L3MBTL4: variants seen among roughly 807,000 people sequenced by gnomAD.
L3MBTL4 encodes L3MBTL histone methyl-lysine binding protein 4.
In L3MBTL4, 70 loss-of-function variants were observed where a neutral mutation model predicts 84.5. That is an observed-to-expected ratio of 0.83 (90% CI 0.68 to 1.01). The LOEUF is 1.01. Ranked by LOEUF, L3MBTL4 falls within the 50% of genes least tolerant of loss-of-function variation. L3MBTL4 has a pLI of 0.00. For synonymous variants in L3MBTL4, 274 were observed against 259.8 expected (o/e 1.05, Z -0.52); for missense variants, 715 against 754.8 (o/e 0.95, Z 0.62).
chr18:6,130,257 C>A (rs1465256076), intron 14 of L3MBTL4, among the ~76,000 whole-genome samples: 1 of 150,194 alleles, frequency 6.7e-6, no homozygotes, highest in Non-Finnish European at 1.5e-5. Context: ...CACCCCCCAC[C>A]CGCCACACAC....
chr18:6,303,035 AATT>A (rs1247995257), intron 3 of L3MBTL4, among the ~76,000 whole-genome samples: 8 of 152,068 alleles, frequency 5.3e-5, no homozygotes, highest in African/African-American at 1.9e-4. Flanking sequence ...TTGGGAACGG[AATT>A]TCCCAATTTT....
At chr18:5,998,974 GACAA>G (rs2054100702) in intron 16 of L3MBTL4, among the ~76,000 whole-genome samples, 2 of 152,202 alleles carry the variant, frequency 1.3e-5, no homozygotes, top group East Asian at 1.9e-4. Flanking sequence ...AAAATGAAAT[GACAA>G]ACAAACCAGA....
intron 12 of L3MBTL4, among the ~76,000 whole-genome samples, chr18:6,193,975 T>C (rs1486928393): frequency 6.6e-6 from 1 of 152,182 alleles, no homozygotes; most frequent in African/African-American, 2.4e-5. Context: ...GCTGCATTCA[T>C]GGCAGTACTT....
intron 1 of L3MBTL4, chr18:6,397,406 T>A (rs527765437): frequency 1.3e-5 from 2 of 152,338 alleles, no homozygotes; most frequent in East Asian, 3.9e-4. Context: ...TGTTAATAGT[T>A]CTTATTTAAA....
chr18:6,106,711 C>G (rs138655723), intron 14 of L3MBTL4, among the ~76,000 whole-genome samples: 16 of 152,200 alleles, frequency 1.1e-4, no homozygotes, highest in African/African-American at 3.9e-4. Flanking sequence ...CACATATACA[C>G]ATACTAAAGC....
intron 12 of L3MBTL4, among the ~76,000 whole-genome samples, chr18:6,208,219 T>C (rs938643019): frequency 2.0e-5 from 3 of 152,226 alleles, no homozygotes; most frequent in African/African-American, 7.2e-5. Context: ...CAACCCTTAG[T>C]AAAGTGAACA....
chr18:6,081,042 A>T, intron 15 of L3MBTL4, 91 bp from the exon 16 acceptor site: 2 of 888,834 alleles, frequency 2.3e-6, no homozygotes, highest in Non-Finnish European at 3.5e-6. Context: ...TAGAAACTGC[A>T]GGGTAAACAA....
rs185473805 is a variant in L3MBTL4 at position 6,084,664 on chromosome 18, G to A, written c.1374-3713C>T. Among the ~76,000 whole-genome samples, 30 of 152,328 alleles carry A rather than the reference G, an allele frequency of 2.0e-4. No individual in the cohort carries two copies. The East Asian group carries it at 5.4e-3, about 27-fold the overall frequency. On this transcript the variant is annotated intron_variant, in intron 15 of 18. Coordinates refer to ENST00000317931, the MANE Select transcript of L3MBTL4 (RefSeq NM_001330559.2). Reference sequence around the variant, plus strand: ...TGGTTTCTGCCACCAAAAGACTCATGATCTATTAGGGGATGCAGACTTGTG... The same window carrying A: ...TGGTTTCTGCCACCAAAAGACTCATAATCTATTAGGGGATGCAGACTTGTG...
At chr18:6,211,340 G>T (rs1442015000) in intron 12 of L3MBTL4, among the ~76,000 whole-genome samples, 1 of 152,140 alleles carries the variant, frequency 6.6e-6, no homozygotes, top group Admixed American at 6.5e-5. Flanking sequence ...ATTCACTCAT[G>T]CATACAGTAA....
Position 6,191,634 on chromosome 18 carries a change from A to G in L3MBTL4, c.982-19692T>C, listed in dbSNP as rs1033776763. ...AGTGCCATTTGAGGAAACCACAAAG[A>G]GAATAAATACAGTTAGGGAAGAGCA... is the stretch of plus-strand genomic sequence containing the variant. On this transcript the variant is annotated intron_variant, in intron 12 of 18. Transcript: ENST00000317931. Among the ~76,000 whole-genome samples, 7 of 152,218 alleles carry G rather than the reference A, an allele frequency of 4.6e-5. No homozygotes were observed. The South Asian group carries it at 1.4e-3, about 32-fold the overall frequency.
chr18:6,209,333 G>A (rs1184997392), intron 12 of L3MBTL4, among the ~76,000 whole-genome samples: 1 of 151,388 alleles, frequency 6.6e-6, no homozygotes, highest in Non-Finnish European at 1.5e-5. Context: ...ACAAACACTG[G>A]GCAAGGTATT....
At chr18:6,105,183 ATTTT>A (rs869169400) in intron 14 of L3MBTL4, among the ~76,000 whole-genome samples, 2,771 of 100,490 alleles carry the variant, frequency 0.028, 57 homozygotes, top group African/African-American at 0.11. Flanking sequence ...AACACCACCA[ATTTT>A]TTTTTTTTTT....
chr18:6,113,464 C>CA (rs34482524), intron 14 of L3MBTL4, among the ~76,000 whole-genome samples: 65,410 of 113,022 alleles, frequency 0.58, 19,922 homozygotes, highest in Non-Finnish European at 0.69. Flanking sequence ...CAAGTGTGGG[C>CA]AAAAAAAAAA....
chr18:6,303,281 C>A (rs1400280686), intron 3 of L3MBTL4, among the ~76,000 whole-genome samples: 1 of 151,930 alleles, frequency 6.6e-6, no homozygotes, highest in Non-Finnish European at 1.5e-5. Context: ...CCACCACACT[C>A]GGCTAATTTT....
chr18:6,127,324 G>A (rs930601181), intron 14 of L3MBTL4, among the ~76,000 whole-genome samples: 9 of 152,100 alleles, frequency 5.9e-5, no homozygotes, highest in African/African-American at 2.2e-4. Flanking sequence ...TGTCGTTAGT[G>A]GTAGTATATT....
At chr18:6,345,430 C>A (rs1267934970) in intron 1 of L3MBTL4, among the ~76,000 whole-genome samples, 5 of 151,234 alleles carry the variant, frequency 3.3e-5, no homozygotes, top group East Asian at 1.9e-4. Context: ...ACAAAAAAAA[C>A]CATAAAGATT....
chr18:6,081,250 C>T (rs62079161), intron 15 of L3MBTL4: 17,096 of 240,792 alleles, frequency 0.071, 759 homozygotes, highest in African/African-American at 0.15. Context: ...GAGGAGCTAG[C>T]AGGATGGTGG....
Position 6,128,084 on chromosome 18 carries a change from T to C in L3MBTL4, c.1199+10110A>G, listed in dbSNP as rs578141919. ...GAGCAGAAAAAACAACTCCAAACAT[T>C]ATCAGAGAGGTAAGAAAAGCTACAC... On this transcript the variant is annotated intron_variant, in intron 14 of 18. Coordinates refer to ENST00000317931, the MANE Select transcript of L3MBTL4 (RefSeq NM_001330559.2). Among the ~76,000 whole-genome samples, 78 of 149,136 alleles carry C rather than the reference T, an allele frequency of 5.2e-4. 1 individual carries two copies. Among genetic ancestry groups the C allele is most frequent in the African/African-American group, 1.9e-3 (75 of 39,770 alleles).
intron 1 of L3MBTL4, among the ~76,000 whole-genome samples, chr18:6,325,223 G>A (rs920909663): frequency 6.6e-6 from 1 of 152,148 alleles, no homozygotes; most frequent in Non-Finnish European, 1.5e-5. Context: ...ACAGGAATCT[G>A]AGAAAATAAA....
Sources: gnomAD v4.1 joint callset for allele counts (sites outside exome capture counted in the v4.1 genomes callset) on GRCh38, gnomAD v4.1.1 for gene constraint, MANE v1.5 for transcripts, NCBI Gene and HGNC (gene_info 2026-07-23, HGNC 2026-07-21) for gene names.